The following RBFOX1 variants were observed in gnomAD, a reference collection of about 807,000 sequenced individuals.
RBFOX1 encodes RNA binding fox-1 homolog 1, also known as RNA binding protein fox-1 homolog 1.
Under a neutral mutation model 57.7 loss-of-function variants are expected in RBFOX1, and 8 were observed. The observed-to-expected ratio is 0.14, with a 90% CI of 0.08 to 0.25. The LOEUF (loss-of-function observed/expected upper bound fraction) is 0.25. Among genes scored for constraint, RBFOX1 ranks in the 10% least tolerant of loss-of-function variants. The pLI, the probability that RBFOX1 is intolerant of heterozygous loss-of-function variation, is 1.00. For synonymous variants in RBFOX1, 326 were observed against 222.4 expected (o/e 1.47, Z -4.15); for missense variants, 611 against 548.5 (o/e 1.11, Z -1.14).
intron 14 of RBFOX1, among the ~76,000 whole-genome samples, chr16:7,708,751 T>A (rs2083309857): frequency 6.6e-6 from 1 of 152,090 alleles, no homozygotes; most frequent in Non-Finnish European, 1.5e-5. Context: ...TACCTCAGTC[T>A]CTAAGGCAGC....
At chr16:5,382,930 G>C (rs1291708952) in intron 1 of RBFOX1, among the ~76,000 whole-genome samples, 2 of 152,168 alleles carry the variant, frequency 1.3e-5, no homozygotes, top group Non-Finnish European at 2.9e-5. Context: ...GTAGAGGTGG[G>C]ATTTGGGTTT....
intron 4 of RBFOX1, among the ~76,000 whole-genome samples, chr16:5,975,958 A>G (rs976228367): frequency 1.3e-5 from 2 of 152,264 alleles, no homozygotes; most frequent in Admixed American, 6.5e-5. Flanking sequence ...AGCCTGGCCA[A>G]CACGGTGAAA....
chr16:5,327,243 C>G (rs368292261), intron 1 of RBFOX1, among the ~76,000 whole-genome samples: 3 of 152,102 alleles, frequency 2.0e-5, no homozygotes, highest in Non-Finnish European at 4.4e-5. Flanking sequence ...TGGCCAGACC[C>G]TGCACCAATC....
Position 7,694,638 on chromosome 16 carries a change from T to C in RBFOX1, c.996-14418T>C, listed in dbSNP as rs2078222307. On this transcript the variant is annotated intron_variant, in intron 14 of 15. Transcript: ENST00000550418. ...CCTAGACTCGTATCTCTGCTTCTCA[T>C]TGTGAGAGGTGGCGACATCCTTAAC... Among the ~76,000 whole-genome samples the C allele has an allele frequency of 2.0e-5, 3 of 152,320 alleles. No homozygotes were observed. The South Asian group carries it at 6.2e-4, about 32-fold the overall frequency.
Position 7,595,569 on chromosome 16 carries a change from C to A in RBFOX1, c.489C>A (p.Phe163Leu). ...RGSKGFGFVT[F>L]ENSADADRAR... ...TGCAGGGATTTGGTTTCGTAACTTT[C>A]GAAAATAGTGCCGATGCGGACAGGG... is the stretch of plus-strand genomic sequence containing the variant. Residue 163 changes from phenylalanine to leucine, a missense_variant, in exon 8 of 16, where the codon TTC becomes TTA. This residue lies in a region of RBFOX1 where 99 missense variants were observed against 160.3 expected (regional missense o/e 0.62). Coordinates refer to ENST00000550418, the MANE Select transcript of RBFOX1 (RefSeq NM_018723.4). 1.3e-6 allele frequency: 2 copies of A among 1,554,296 alleles called. No homozygotes were observed. Among genetic ancestry groups the A allele is most frequent in the African/African-American group, 1.4e-5 (1 of 73,386 alleles).
At chr16:6,240,346 C>G (rs972512215) in intron 1 of RBFOX1, among the ~76,000 whole-genome samples, 8 of 152,136 alleles carry the variant, frequency 5.3e-5, no homozygotes, top group African/African-American at 1.7e-4. Flanking sequence ...TGAGGTAGTT[C>G]TTCAGCTTAT....
At chr16:5,835,623 C>T (rs1019386476) in intron 3 of RBFOX1, among the ~76,000 whole-genome samples, 2 of 152,176 alleles carry the variant, frequency 1.3e-5, no homozygotes, top group African/African-American at 2.4e-5. Flanking sequence ...CACAGGGTTT[C>T]TGCAGGATTC....
At chr16:6,610,352 G>C (rs143773834) in intron 2 of RBFOX1, among the ~76,000 whole-genome samples, 6 of 152,264 alleles carry the variant, frequency 3.9e-5, no homozygotes, top group Admixed American at 2.6e-4. Flanking sequence ...GAGGAAGACA[G>C]AGTATCCCAC....
intron 2 of RBFOX1, among the ~76,000 whole-genome samples, chr16:5,595,830 G>C (rs957985257): frequency 6.6e-6 from 1 of 152,200 alleles, no homozygotes; most frequent in African/African-American, 2.4e-5. Flanking sequence ...GCTTTGTTCA[G>C]ATAGCACAGG....
At chr16:6,346,303 A>G (rs965369176) in intron 2 of RBFOX1, among the ~76,000 whole-genome samples, 1 of 152,208 alleles carries the variant, frequency 6.6e-6, no homozygotes, top group Non-Finnish European at 1.5e-5. Context: ...TGTTAAATTT[A>G]ACTATATTTG....
intron 2 of RBFOX1, among the ~76,000 whole-genome samples, chr16:6,363,918 C>G (rs7202559): frequency 0.037 from 5,636 of 152,198 alleles, 343 homozygotes; most frequent in African/African-American, 0.13. Context: ...CTGAATATAA[C>G]TATGTAATCA....
At chr16:5,748,295 C>G (rs1485926781) in intron 3 of RBFOX1, among the ~76,000 whole-genome samples, 2 of 152,034 alleles carry the variant, frequency 1.3e-5, no homozygotes, top group East Asian at 1.9e-4. Context: ...TTACTTCCAA[C>G]TATGTGGTCA....
At chr16:5,564,089 C>G (rs1384741692) in intron 2 of RBFOX1, among the ~76,000 whole-genome samples, 6 of 152,092 alleles carry the variant, frequency 3.9e-5, no homozygotes, top group Non-Finnish European at 8.8e-5. Context: ...TCTCAGCTCA[C>G]TTCAACCTCC....
intron 14 of RBFOX1, chr16:7,693,330 C>T (rs2077793323): frequency 1.9e-6 from 3 of 1,612,416 alleles, no homozygotes; most frequent in Non-Finnish European, 1.7e-6. Context: ...AGTTCGTCTT[C>T]GTTGCAGCAG....
chr16:7,332,627 A>T, intron 4 of RBFOX1: 1 of 344,560 alleles, frequency 2.9e-6, no homozygotes. Flanking sequence ...CTTATATCTC[A>T]TAGCCTGGTT....
chr16:5,734,953 A>T (rs1258193095), intron 3 of RBFOX1, among the ~76,000 whole-genome samples: 1 of 152,210 alleles, frequency 6.6e-6, no homozygotes, highest in East Asian at 1.9e-4. Context: ...AGATGTGCAG[A>T]TAAAGTTGGC....
intron 1 of RBFOX1, among the ~76,000 whole-genome samples, chr16:6,114,237 C>A (rs553456021): frequency 6.6e-6 from 1 of 152,260 alleles, no homozygotes; most frequent in African/African-American, 2.4e-5. Context: ...CCATCTTATG[C>A]AATTAAGAGT....
In RBFOX1 at chr16:7,199,956, A is replaced by G. The variant is rs539418129; in HGVS notation, c.27+147858A>G. The stretch of plus-strand genomic sequence containing the variant: ...AAAGAAATTAGACAAAAGAACAAAC[A>G]ACGTGTTGGGGAACACTTTTGTAAT... On this transcript the variant is annotated intron_variant, in intron 4 of 15. Coordinates refer to ENST00000550418, the MANE Select transcript of RBFOX1 (RefSeq NM_018723.4). Among the ~76,000 whole-genome samples, 52 of 152,194 alleles carry G rather than the reference A, an allele frequency of 3.4e-4. 1 individual carries two copies. Among genetic ancestry groups the G allele is most frequent in the Non-Finnish European group, 2.1e-4 (14 of 68,034 alleles).
At chr16:7,486,928 C>G (rs190181001) in intron 4 of RBFOX1, among the ~76,000 whole-genome samples, 5 of 152,300 alleles carry the variant, frequency 3.3e-5, no homozygotes, top group Admixed American at 3.3e-4. Context: ...GAAATGGAGT[C>G]TTGCTCTGTC....
Sources: allele counts gnomAD v4.1 joint callset (sites outside exome capture counted in the v4.1 genomes callset), GRCh38; gene constraint gnomAD v4.1.1; regional missense constraint gnomAD v4.1.1; transcripts MANE v1.5; gene names NCBI Gene and HGNC (gene_info 2026-07-23, HGNC 2026-07-21).